Variants in AGBL4 observed in about 807,000 individuals in gnomAD.
The protein encoded by AGBL4 is AGBL carboxypeptidase 4.
In AGBL4, 58 loss-of-function variants were observed where a neutral mutation model predicts 66.4. That is an observed-to-expected ratio of 0.87 (90% CI 0.71 to 1.09). The LOEUF is 1.09. Ranked by LOEUF, AGBL4 falls within the 50% of genes least tolerant of loss-of-function variation. The pLI is 0.00. For synonymous variants in AGBL4, 234 were observed against 222.9 expected (o/e 1.05, Z -0.44); for missense variants, 579 against 631.0 (o/e 0.92, Z 0.88).
At chr1:49,391,010 G>A (rs1047068394) in intron 3 of AGBL4, among the ~76,000 whole-genome samples, 3 of 152,170 alleles carry the variant, frequency 2.0e-5, no homozygotes, top group Non-Finnish European at 4.4e-5. Context: ...GAGTCTTAAA[G>A]AATGAGTGGA....
intron 11 of AGBL4, among the ~76,000 whole-genome samples, chr1:48,583,362 G>A (rs953441541): frequency 3.3e-5 from 5 of 152,140 alleles, no homozygotes; most frequent in African/African-American, 1.2e-4. Context: ...CTGCAACTCG[G>A]TGAGGTTAAG....
Position 49,244,369 on chromosome 1 carries a change from C to A in AGBL4, c.377+1401G>T, listed in dbSNP as rs35451389. Among the ~76,000 whole-genome samples, 1,160 of 151,800 alleles carry A rather than the reference C, an allele frequency of 7.6e-3. 7 individuals are homozygous for A. The highest frequency in any genetic ancestry group is 0.011 in the Non-Finnish European group (761 of 67,740). Reference sequence around the variant, plus strand: ...ACCAGAGACTCAAAGCAAAGGCCTACCCCTTGCCCAGAAAGACTGAGAGAA... The same window carrying A: ...ACCAGAGACTCAAAGCAAAGGCCTAACCCTTGCCCAGAAAGACTGAGAGAA... On this transcript the variant is annotated intron_variant, in intron 4 of 13. Transcript: ENST00000371839.
chr1:48,963,784 C>A (rs946150940), intron 5 of AGBL4, among the ~76,000 whole-genome samples: 1 of 152,168 alleles, frequency 6.6e-6, no homozygotes, highest in African/African-American at 2.4e-5. Flanking sequence ...TCAAAAGGAG[C>A]TTATTAGCTG....
At chr1:48,913,960 A>G (rs1653368283) in intron 5 of AGBL4, among the ~76,000 whole-genome samples, 1 of 152,166 alleles carries the variant, frequency 6.6e-6, no homozygotes, top group Admixed American at 6.5e-5. Context: ...TCCTGTTTTA[A>G]AACACATTTC....
intron 3 of AGBL4, among the ~76,000 whole-genome samples, chr1:49,353,049 T>C (rs536969208): frequency 3.7e-4 from 57 of 152,330 alleles, no homozygotes; most frequent in South Asian, 2.9e-3. Context: ...ATTATCCCTT[T>C]ATAGGATGTT....
chr1:49,126,049 A>G (rs1645757907), intron 4 of AGBL4, among the ~76,000 whole-genome samples: 1 of 152,198 alleles, frequency 6.6e-6, no homozygotes, highest in Non-Finnish European at 1.5e-5. Flanking sequence ...AAAGATCTGA[A>G]GAGACCCACC....
chr1:48,819,991 C>T (rs1322067907), intron 6 of AGBL4, among the ~76,000 whole-genome samples: 1 of 152,236 alleles, frequency 6.6e-6, no homozygotes, highest in East Asian at 1.9e-4. Context: ...AGCCATTCTG[C>T]TGCCTTCTGC....
At chr1:48,782,752 G>A (rs1645326194) in intron 6 of AGBL4, among the ~76,000 whole-genome samples, 2 of 152,164 alleles carry the variant, frequency 1.3e-5, no homozygotes, top group Admixed American at 1.3e-4. Context: ...TGCAACTGAT[G>A]AACCTACATT....
intron 3 of AGBL4, among the ~76,000 whole-genome samples, chr1:49,667,501 T>C (rs1646394203): frequency 6.6e-6 from 1 of 151,974 alleles, no homozygotes; most frequent in African/African-American, 2.4e-5. Flanking sequence ...TTTAAAATAT[T>C]TGAAAATAGA....
intron 3 of AGBL4, among the ~76,000 whole-genome samples, chr1:49,613,819 CA>C (rs1225918630): frequency 6.6e-6 from 1 of 152,078 alleles, no homozygotes; most frequent in African/African-American, 2.4e-5. Context: ...TGAATCATCC[CA>C]AAACCATCCC....
intron 2 of AGBL4, among the ~76,000 whole-genome samples, chr1:49,828,926 G>A (rs367887361): frequency 1.1e-3 from 163 of 152,134 alleles, no homozygotes; most frequent in Middle Eastern, 3.4e-3. Context: ...AAAATTGGCC[G>A]GGCGCGGTGG....
chr1:49,534,440 T>C (rs981449714), intron 3 of AGBL4, among the ~76,000 whole-genome samples: 1 of 152,168 alleles, frequency 6.6e-6, no homozygotes, highest in African/African-American at 2.4e-5. Flanking sequence ...TCTTTGCTCC[T>C]GCCTCACATA....
At chr1:48,741,770 CAT>C (rs1649946493) in intron 6 of AGBL4, among the ~76,000 whole-genome samples, 1 of 152,164 alleles carries the variant, frequency 6.6e-6, no homozygotes, top group Admixed American at 6.5e-5. Flanking sequence ...TGAACCAACA[CAT>C]GACGCGTTAA....
rs567000446 is a variant in AGBL4 at position 49,882,663 on chromosome 1, G to T, written c.35-31145C>A. Among the ~76,000 whole-genome samples the T allele has an allele frequency of 4.6e-5, 7 of 152,264 alleles. No individual in the cohort carries two copies. The South Asian group carries it at 1.0e-3, about 23-fold the overall frequency. ...CTCTTTGAAGCAATTGTGAATGGGA[G>T]TTCACTCATGATTTGGCTCTCTGTT... On this transcript the variant is annotated intron_variant, in intron 1 of 13. Transcript: ENST00000371839.
At chr1:49,515,844 C>T (rs1649759423) in intron 3 of AGBL4, among the ~76,000 whole-genome samples, 1 of 137,544 alleles carries the variant, frequency 7.3e-6, no homozygotes, top group East Asian at 2.1e-4. Flanking sequence ...ACAATGAGAA[C>T]ACATGGACAC....
chr1:49,265,402 G>C (rs1643895597), intron 3 of AGBL4, among the ~76,000 whole-genome samples: 1 of 152,160 alleles, frequency 6.6e-6, no homozygotes, highest in Non-Finnish European at 1.5e-5. Flanking sequence ...ACATATCAAA[G>C]GTTATATAGA....
intron 1 of AGBL4, among the ~76,000 whole-genome samples, chr1:49,896,483 T>C (rs904025578): frequency 4.0e-5 from 6 of 151,690 alleles, no homozygotes; most frequent in African/African-American, 1.2e-4. Context: ...TTACCAAATA[T>C]TTAAAGCACT....
At chr1:48,526,491 G>C in the AGBL4 span, among the ~76,000 whole-genome samples, 1 of 152,152 alleles carries the variant, frequency 6.6e-6, no homozygotes, top group African/African-American at 2.4e-5. Context: ...ACTCAGTCAG[G>C]GCAGAACAGC....
intron 4 of AGBL4, among the ~76,000 whole-genome samples, chr1:49,231,198 G>A (rs958150127): frequency 1.1e-4 from 16 of 152,140 alleles, no homozygotes; most frequent in Non-Finnish European, 1.9e-4. Context: ...AGGAAACAAA[G>A]CCTCAGGAAA....
Sources: allele counts gnomAD v4.1 joint callset (sites outside exome capture counted in the v4.1 genomes callset), GRCh38; gene constraint gnomAD v4.1.1; transcripts MANE v1.5; gene names NCBI Gene and HGNC (gene_info 2026-07-23, HGNC 2026-07-21).